The following THEMIS variants were observed in gnomAD, a reference collection of about 807,000 sequenced individuals.
THEMIS encodes protein THEMIS.
Under a neutral mutation model 52.6 loss-of-function variants are expected in THEMIS, and 37 were observed. That is an observed-to-expected ratio of 0.70 (90% CI 0.54 to 0.93). The LOEUF is 0.93. THEMIS is among the 40% of genes least tolerant of loss of function. THEMIS has a pLI of 0.00. For missense variants in THEMIS, 808 were observed against 763.1 expected, an observed-to-expected ratio of 1.06 and a Z score of -0.69; for synonymous variants, 292 against 272.7, an observed-to-expected ratio of 1.07 and a Z score of -0.70.
intron 1 of THEMIS, among the ~76,000 whole-genome samples, chr6:127,857,300 G>T (rs912339668): frequency 1.4e-4 from 22 of 152,084 alleles, no homozygotes; most frequent in African/African-American, 5.3e-4. Context: ...AGGATTCCTG[G>T]AGGAGATGAC....
chr6:127,744,839 A>G (rs1198460494), intron 4 of THEMIS, among the ~76,000 whole-genome samples: 1 of 151,922 alleles, frequency 6.6e-6, no homozygotes, highest in African/African-American at 2.4e-5. Flanking sequence ...ACTTACACAC[A>G]CATACACACA....
At chr6:127,745,694 C>T (rs1233317553) in intron 4 of THEMIS, among the ~76,000 whole-genome samples, 2 of 151,940 alleles carry the variant, frequency 1.3e-5, no homozygotes, top group East Asian at 3.9e-4. Flanking sequence ...ATAACATCCA[C>T]ACCAGTTCAA....
At chr6:127,774,048 G>A (rs540641533) in intron 4 of THEMIS, among the ~76,000 whole-genome samples, 22 of 152,320 alleles carry the variant, frequency 1.4e-4, no homozygotes, top group South Asian at 4.1e-4. Flanking sequence ...GCACTTTGGT[G>A]AAGAAAGCTG....
rs148069630 is a variant in THEMIS, at chr6:127,855,173, A to G, written c.107T>C (p.Met36Thr). 3,592 of 1,598,880 alleles carry G rather than the reference A, an allele frequency of 2.2e-3. 38 individuals are homozygous for G. The highest frequency in any genetic ancestry group is 0.016 in the South Asian group (1,400 of 88,172). The change falls in exon 2 of 6, where the codon ATG (methionine) becomes ACG (threonine). Residue 36 changes from methionine (M) to threonine (T), a missense_variant. Physicochemically the swap from Met to Thr is moderately conservative, Grantham distance 81 (BLOSUM62 -1). Transcript: ENST00000368248. Reference protein sequence around the residue: ...GIYLEGSIYEMFGNECCFSTG... With the variant: ...GIYLEGSIYETFGNECCFSTG... ...TGAAAAACAGCATTCATTTCCAAAC[A>G]TTTCATAAATAGAGCCTAAAAGGAA...
intron 1 of THEMIS, among the ~76,000 whole-genome samples, chr6:127,861,783 C>CAAAAAAAAAAAAAAAAAAAAA (rs1225783673): frequency 2.1e-5 from 2 of 95,700 alleles, no homozygotes; most frequent in Admixed American, 1.1e-4. Context: ...GACTCCATCT[C>CAAAAAAAAAAAAAAAAAAAAA]AAAAAAAAAA....
At chr6:127,789,992 C>T (rs1283575568) in intron 4 of THEMIS, among the ~76,000 whole-genome samples, 1 of 152,232 alleles carries the variant, frequency 6.6e-6, no homozygotes, top group East Asian at 1.9e-4. Context: ...TGTCTCACCA[C>T]TCCTATCCAA....
chr6:127,770,553 A>C (rs1022851172), intron 4 of THEMIS, among the ~76,000 whole-genome samples: 5 of 151,798 alleles, frequency 3.3e-5, no homozygotes, highest in Non-Finnish European at 5.9e-5. Context: ...GATTGCAAAA[A>C]TTTTCTCCCA....
chr6:127,842,020 A>G (rs1233795716), intron 2 of THEMIS, among the ~76,000 whole-genome samples: 3 of 152,050 alleles, frequency 2.0e-5, no homozygotes, highest in Admixed American at 6.6e-5. Flanking sequence ...ATGTTTTATC[A>G]TAACATCCAG....
At chr6:127,861,825 A>G (rs1003859167) in intron 1 of THEMIS, among the ~76,000 whole-genome samples, 19 of 151,122 alleles carry the variant, frequency 1.3e-4, no homozygotes, top group South Asian at 2.1e-4. Flanking sequence ...GAAAAGAAAA[A>G]AAAGAAAGAA....
At chr6:127,884,746 G>T (rs13215318) in intron 1 of THEMIS, among the ~76,000 whole-genome samples, 24 of 152,074 alleles carry the variant, frequency 1.6e-4, no homozygotes, top group Non-Finnish European at 3.1e-4. Context: ...TTAAATAATA[G>T]GAATTTATTT....
At chr6:127,852,407 C>G (rs1779459491) in intron 2 of THEMIS, among the ~76,000 whole-genome samples, 1 of 151,256 alleles carries the variant, frequency 6.6e-6, no homozygotes, top group African/African-American at 2.4e-5. Context: ...GAACACTTAC[C>G]CAACAAAAAT....
intron 1 of THEMIS, among the ~76,000 whole-genome samples, chr6:127,875,844 C>T (rs183345036): frequency 2.0e-5 from 3 of 152,094 alleles, no homozygotes; most frequent in Admixed American, 2.0e-4. Flanking sequence ...CCTCTCATGC[C>T]GATGAAGTTA....
intron 1 of THEMIS, among the ~76,000 whole-genome samples, chr6:127,884,202 T>G (rs886944286): frequency 1.3e-5 from 2 of 152,184 alleles, no homozygotes; most frequent in African/African-American, 4.8e-5. Flanking sequence ...GGCTGCACTT[T>G]GTCCATACTT....
intron 4 of THEMIS, among the ~76,000 whole-genome samples, chr6:127,744,948 T>C (rs536694851): frequency 6.6e-6 from 1 of 152,100 alleles, no homozygotes; most frequent in East Asian, 1.9e-4. Flanking sequence ...CAAGGGTGTT[T>C]ACTTATGTAT....
intron 1 of THEMIS, among the ~76,000 whole-genome samples, chr6:127,868,191 CT>C (rs1255092789): frequency 6.6e-6 from 1 of 152,106 alleles, no homozygotes; most frequent in Admixed American, 6.6e-5. Flanking sequence ...AGCCCCGCCC[CT>C]GGCATCTATT....
At chr6:127,845,656 C>T (rs1779188218) in intron 2 of THEMIS, among the ~76,000 whole-genome samples, 1 of 151,840 alleles carries the variant, frequency 6.6e-6, no homozygotes, top group South Asian at 2.1e-4. Flanking sequence ...GCATGGTTGT[C>T]TCTTTGATCT....
At chr6:127,729,267 C>A (rs182230266) in intron 4 of THEMIS, among the ~76,000 whole-genome samples, 1 of 149,788 alleles carries the variant, frequency 6.7e-6, no homozygotes, top group East Asian at 2.1e-4. Context: ...TTGAAATTTT[C>A]TACTTGTTTC....
intron 4 of THEMIS, among the ~76,000 whole-genome samples, chr6:127,725,322 T>C (rs1774502153): frequency 6.6e-6 from 1 of 151,896 alleles, no homozygotes; most frequent in Non-Finnish European, 1.5e-5. Context: ...ATTCAGAGAC[T>C]ATACATAAAT....
chr6:127,773,076 G>A (rs1407351848), intron 4 of THEMIS, among the ~76,000 whole-genome samples: 1 of 152,242 alleles, frequency 6.6e-6, no homozygotes, highest in East Asian at 1.9e-4. Flanking sequence ...CTTTTTGCAT[G>A]ATTTTGAGGA....
Sources: gnomAD v4.1 joint callset for allele counts (sites outside exome capture counted in the v4.1 genomes callset) on GRCh38, gnomAD v4.1.1 for gene constraint, MANE v1.5 for transcripts, NCBI Gene and HGNC (gene_info 2026-07-23, HGNC 2026-07-21) for gene names.